Variants in CYFIP1 observed in about 807,000 individuals in gnomAD.
CYFIP1 encodes the protein cytoplasmic FMR1 interacting protein 1.
Under a neutral mutation model 163.5 loss-of-function variants are expected in CYFIP1, and 58 were observed. The observed-to-expected ratio is 0.35, with a 90% confidence interval of 0.29 to 0.44. The LOEUF (loss-of-function observed/expected upper bound fraction) is 0.44. Among genes scored for constraint, CYFIP1 ranks in the 20% least tolerant of loss-of-function variants. CYFIP1 has a pLI of 1.00. For synonymous variants in CYFIP1, 663 were observed against 660.7 expected (o/e 1.00, Z -0.05); for missense variants, 1,338 against 1,653.8 (o/e 0.81, Z 3.31).
chr15:22,973,454 T>C (rs2063168013), intron 1 of CYFIP1, among the ~76,000 whole-genome samples: 1 of 152,110 alleles, frequency 6.6e-6, no homozygotes, highest in South Asian at 2.1e-4. Flanking sequence ...TCTGTCTCTG[T>C]ATATTTGCCT....
At position 22,903,827 on chromosome 15, in the gene CYFIP1, C is replaced by T. The variant is rs746822338; in HGVS notation, c.2467G>A (p.Ala823Thr). 3.2e-5 allele frequency: 51 copies of T among 1,614,078 alleles called. No homozygotes were observed. The highest frequency in any genetic ancestry group is 8.8e-5 in the South Asian group (8 of 91,096). Residue 823 changes from alanine (A) to threonine (T), a missense_variant, in exon 22 of 31, where the codon GCC (alanine) becomes ACC (threonine). Ala to Thr is a moderately conservative substitution (Grantham distance 58). This residue lies in a region of CYFIP1 where 824 missense variants were observed against 995.7 expected (regional missense o/e 0.83). Transcript: ENST00000617928. ...TTGTGGTTGGCCTCCCGGAACATGG[C>T]GTCGAAGCCGTCCAGCGTCAGGTAC... ...SRYLTLDGFD[A>T]MFREANHNVS...
Position 22,873,798 on chromosome 15 carries a change from C to G in CYFIP1, c.3211-69G>C, listed in dbSNP as rs538225644. 6.0e-4 allele frequency: 795 copies of G among 1,327,154 alleles called. 18 individuals are homozygous for G. The South Asian group carries it at 8.5e-3, about 14-fold the overall frequency. The allele number at this position is 1,327,154 out of a possible 1,614,324, so 82.2% of individuals were successfully genotyped here. On this transcript the variant is annotated intron_variant, in intron 28 of 30. Coordinates refer to ENST00000617928, the MANE Select transcript of CYFIP1 (RefSeq NM_014608.6). The stretch of plus-strand genomic sequence containing the variant: ...TCCAGCTACTCCACATCCTCTATGT[C>G]TCTTTTCTCTTGAGACAGGGTCTTG...
chr15:22,927,483 CAAAAAAAAAAA>C (rs1188331935), intron 12 of CYFIP1, among the ~76,000 whole-genome samples: 1 of 57,480 alleles, frequency 1.7e-5, no homozygotes, highest in Non-Finnish European at 3.5e-5. Context: ...AACTCCGTCT[CAAAAAAAAAAA>C]AAAAAAAAAA....
At position 22,933,904 on chromosome 15, in the gene CYFIP1, A is replaced by G. The variant is rs2061617651; in HGVS notation, c.901-11T>C. 3.8e-6 allele frequency: 6 copies of G among 1,591,062 alleles called. No homozygotes were observed. The highest frequency in any genetic ancestry group is 1.3e-5 in the African/African-American group (1 of 74,384). On this transcript the variant is annotated splice_polypyrimidine_tract_variant and intron_variant, in intron 9 of 30. Transcript: ENST00000617928. ...AACCACCTGGAGTTGCTGTATTCAAAGAACAAAAAAATAGAGTCATTATGT... is the reference window on the plus strand; with the variant it reads ...AACCACCTGGAGTTGCTGTATTCAAGGAACAAAAAAATAGAGTCATTATGT...
chr15:22,894,005 C>T (rs1442359650), intron 22 of CYFIP1, among the ~76,000 whole-genome samples: 2 of 152,132 alleles, frequency 1.3e-5, no homozygotes, highest in Non-Finnish European at 1.5e-5. Context: ...CAGGGTGATG[C>T]TCAGAAAAGG....
In CYFIP1 at chr15:22,932,277, G is replaced by A; in HGVS notation, c.1056C>T (p.Ile352=). The A allele has an allele frequency of 3.1e-6, 5 of 1,613,370 alleles. No homozygotes were observed. The highest frequency in any genetic ancestry group is 4.2e-6 in the Non-Finnish European group (5 of 1,179,692). The change falls in exon 11 of 31, where the codon ATC becomes ATT. Residue 352 remains isoleucine (I), a synonymous_variant. Coordinates refer to ENST00000617928, the MANE Select transcript of CYFIP1 (RefSeq NM_014608.6). ...QYNICEQMIQ[I]REDHMRFISE... ...AAATGAAGCGCATGTGGTCCTCGCGGATCTGGATCATCTGCTCGCAGATGT... is the reference window on the plus strand; with the variant it reads ...AAATGAAGCGCATGTGGTCCTCGCGAATCTGGATCATCTGCTCGCAGATGT...
intron 14 of CYFIP1, 123 bp downstream of exon 14, chr15:22,918,569 A>T: frequency 2.3e-6 from 2 of 875,696 alleles, no homozygotes; most frequent in Non-Finnish European, 3.3e-6. Context: ...CCAAGAGGGC[A>T]TCTGAAGGTT....
intron 22 of CYFIP1, among the ~76,000 whole-genome samples, chr15:22,897,161 C>T (rs185905601): frequency 1.1e-3 from 167 of 151,590 alleles, no homozygotes; most frequent in African/African-American, 3.9e-3. Flanking sequence ...TGCAGTGAGC[C>T]GAGATCACAC....
At chr15:22,932,066 T>C (rs1476314367) in intron 11 of CYFIP1, among the ~76,000 whole-genome samples, 157 bp downstream of exon 11, 2 of 152,324 alleles carry the variant, frequency 1.3e-5, no homozygotes. Context: ...TGAAACTGCC[T>C]AATGACACAT....
intron 3 of CYFIP1, chr15:22,946,691 T>C (rs375436487): frequency 2.2e-5 from 11 of 492,884 alleles, no homozygotes; most frequent in Non-Finnish European, 1.5e-5. Flanking sequence ...TAAATCTAAA[T>C]CTCATATGGG....
chr15:22,875,273 T>C lies in CYFIP1; in HGVS notation c.3043-2A>G. ...CAGGTCACACACTTCTTCTAAAGAC[T>C]AGAGCAGAGAAAGAGAGGGTCAAGC... On this transcript the variant is annotated splice_acceptor_variant, in intron 26 of 30. Coordinates refer to ENST00000617928, the MANE Select transcript of CYFIP1 (RefSeq NM_014608.6). LOFTEE classifies it high-confidence loss of function. 1 of 1,613,874 alleles carries C rather than the reference T, an allele frequency of 6.2e-7. No homozygotes were observed. The highest frequency in any genetic ancestry group is 8.5e-7 in the Non-Finnish European group (1 of 1,179,792).
At chr15:22,896,452 A>G (rs149505972) in intron 22 of CYFIP1, among the ~76,000 whole-genome samples, 1 of 152,080 alleles carries the variant, frequency 6.6e-6, no homozygotes, top group African/African-American at 2.4e-5. Context: ...TAGGATTCCA[A>G]TCACAGGCAT....
rs533406943 is a variant in CYFIP1 at position 22,976,279 on chromosome 15, TC to T, written c.-7+4007del. ...TTCAGGCGATTCTCCTGCTTCAGCC[TC>T]CTGAGTAGCTGGGACTACAGGCGCA... is the stretch of plus-strand genomic sequence containing the variant. On this transcript the variant is annotated intron_variant, in intron 1 of 30. Transcript: ENST00000617928. Among the ~76,000 whole-genome samples, 204 of 152,214 alleles carry T rather than the reference TC, an allele frequency of 1.3e-3. 1 individual carries two copies. Among genetic ancestry groups the T allele is most frequent in the African/African-American group, 4.7e-3 (197 of 41,522 alleles).
chr15:22,901,245 T>C (rs2142000856), intron 22 of CYFIP1, among the ~76,000 whole-genome samples: 1 of 152,132 alleles, frequency 6.6e-6, no homozygotes. Flanking sequence ...TCACTGCTGT[T>C]CAACCACCAG....
intron 23 of CYFIP1, among the ~76,000 whole-genome samples, chr15:22,883,661 C>T (rs2059841242): frequency 6.6e-6 from 1 of 151,792 alleles, no homozygotes; most frequent in South Asian, 2.1e-4. Context: ...ACTAAATATA[C>T]AAAAAATTAG....
intron 22 of CYFIP1, among the ~76,000 whole-genome samples, chr15:22,903,115 A>G (rs2060450627): frequency 2.0e-5 from 3 of 152,296 alleles, no homozygotes; most frequent in East Asian, 3.9e-4. Flanking sequence ...TGCCCTGGTC[A>G]TCCCCCCAGG....
chr15:22,913,605 TAAA>T (rs33967385), intron 17 of CYFIP1, among the ~76,000 whole-genome samples: 14,091 of 66,644 alleles, frequency 0.21, 1,189 homozygotes, highest in Admixed American at 0.29. Flanking sequence ...TAGACAGCAT[TAAA>T]AAAAAAAAAA....
intron 16 of CYFIP1, 159 bp from the exon 17 acceptor site, chr15:22,915,041 A>G (rs2060923167): frequency 1.6e-6 from 1 of 641,634 alleles, no homozygotes. Context: ...GGGGCCTTGC[A>G]CTAGGGACAG....
chr15:22,925,700 CA>C (rs2061334651), intron 13 of CYFIP1, among the ~76,000 whole-genome samples: 1 of 152,158 alleles, frequency 6.6e-6, no homozygotes, highest in South Asian at 2.1e-4. Context: ...CAGCAGGGGC[CA>C]CATCTCTTTC....
Sources: gnomAD v4.1 joint callset for allele counts (sites outside exome capture counted in the v4.1 genomes callset) on GRCh38, gnomAD v4.1.1 for gene constraint, gnomAD v4.1.1 regional missense constraint, MANE v1.5 for transcripts, NCBI Gene and HGNC (gene_info 2026-07-23, HGNC 2026-07-21) for gene names.